SYTL2: variants seen among roughly 807,000 people sequenced by gnomAD.
The protein encoded by SYTL2 is synaptotagmin like 2, also known as synaptotagmin-like protein 2.
In SYTL2, 165 loss-of-function variants were observed where a neutral mutation model predicts 198.7. The ratio of observed to expected loss-of-function variants is 0.83; its 90% CI spans 0.73 to 0.94. The LOEUF is 0.94. Among genes scored for constraint, SYTL2 ranks in the 40% least tolerant of loss-of-function variants. The pLI is 0.00. For missense variants in SYTL2, 2,835 were observed against 2,582.8 expected (o/e 1.10, Z -2.12); for synonymous variants, 966 against 917.7 (o/e 1.05, Z -0.95).
chr11:85,775,426 C>T (rs1156360877), intron 1 of SYTL2, among the ~76,000 whole-genome samples: 4 of 152,152 alleles, frequency 2.6e-5, no homozygotes, highest in African/African-American at 4.8e-5. Flanking sequence ...CTCTTCACAA[C>T]CCTTCTTGGG....
Position 85,745,558 on chromosome 11 carries a change from T to C in SYTL2, c.389+79A>G. On this transcript the variant is annotated intron_variant, in intron 4 of 19. Transcript: ENST00000359152. ...GACCCCAGTCTGGCATCTGTACTCA[T>C]AGCCTGCCATTCTGCCCATGTGACA... 2.6e-6 allele frequency: 4 copies of C among 1,511,788 alleles called. No individual in the cohort carries two copies. In the South Asian group the frequency reaches 3.7e-5, roughly 14 times the overall value. 93.6% of individuals were successfully genotyped at this position (1,511,788 alleles called of 1,614,324 possible).
intron 4 of SYTL2, among the ~76,000 whole-genome samples, chr11:85,745,318 A>T (rs1591857976): frequency 6.6e-6 from 1 of 151,700 alleles, no homozygotes; most frequent in African/African-American, 2.4e-5. Context: ...TGATATTCAA[A>T]TTGAAGTACC....
chr11:85,760,856 A>C (rs1464893940), intron 1 of SYTL2, among the ~76,000 whole-genome samples: 1 of 152,196 alleles, frequency 6.6e-6, no homozygotes, highest in African/African-American at 2.4e-5. Flanking sequence ...TCCACTTTAC[A>C]AAGGAGTGAA....
chr11:85,811,572 T>C (rs1175206302), upstream of SYTL2, among the ~76,000 whole-genome samples: 2 of 151,846 alleles, frequency 1.3e-5, no homozygotes, highest in Non-Finnish European at 1.5e-5. Context: ...AGCCCGGTCA[T>C]GGGGTAACTT....
In SYTL2 at chr11:85,725,908, G is replaced by T; in HGVS notation, c.3450C>A (p.Pro1150=). 3 of 1,614,074 alleles carry T rather than the reference G, an allele frequency of 1.9e-6. No individual in the cohort carries two copies. The highest frequency in any genetic ancestry group is 1.3e-5 in the African/African-American group (1 of 75,050). Residue 1150 remains proline (P), a synonymous_variant, in exon 8 of 20, where the codon CCC becomes CCA. Transcript: ENST00000359152. ...GTTTTCCATGAACTTTTCCACCAGA[G>T]GGTTGAATTGCTGGTGTTGAGGTTT... The part of the protein sequence containing the change: ...LSETSTPAIQ[P]SGGKVHGKQV...
At chr11:85,818,243 C>A in the SYTL2 span, among the ~76,000 whole-genome samples, 1 of 152,020 alleles carries the variant, frequency 6.6e-6, no homozygotes, top group Admixed American at 6.6e-5. Flanking sequence ...GGATGAAGTG[C>A]GTGGTGCACA....
At chr11:85,731,054 G>A (rs2089763197) in intron 7 of SYTL2, among the ~76,000 whole-genome samples, 1 of 152,100 alleles carries the variant, frequency 6.6e-6, no homozygotes, top group Admixed American at 6.5e-5. Flanking sequence ...TCTTCAAGGA[G>A]AACTACAAAC....
At position 85,724,990 on chromosome 11, in the gene SYTL2, T is replaced by C; in HGVS notation, c.4368A>G (p.Pro1456=). Residue 1456 remains proline, a synonymous_variant, in exon 8 of 20, where the codon CCA becomes CCG. Transcript: ENST00000359152. ...CAAATGAGCTAAGCGTCTGGTCTGA[T>C]GGAGACATTTGGGCAGCTAAATAAG... is the stretch of plus-strand genomic sequence containing the variant. The part of the protein sequence containing the change: ...VGSYLAAQMS[P]SDQTLSSFAS... 1 of 1,614,016 alleles carries C rather than the reference T, an allele frequency of 6.2e-7. No individual in the cohort carries two copies. The highest frequency in any genetic ancestry group is 8.5e-7 in the Non-Finnish European group (1 of 1,179,950).
chr11:85,843,492 T>C, the SYTL2 span, among the ~76,000 whole-genome samples: 1 of 151,874 alleles, frequency 6.6e-6, no homozygotes, highest in East Asian at 1.9e-4. Flanking sequence ...GAGGGGCAAA[T>C]TGGAGGGGGT....
At chr11:85,771,782 A>G (rs2092359016) in intron 1 of SYTL2, among the ~76,000 whole-genome samples, 1 of 152,202 alleles carries the variant, frequency 6.6e-6, no homozygotes, top group African/African-American at 2.4e-5. Context: ...TAGTTTGCTC[A>G]TCTCTAAAAT....
At chr11:85,730,640 C>A (rs2089712123) in intron 7 of SYTL2, among the ~76,000 whole-genome samples, 1 of 152,238 alleles carries the variant, frequency 6.6e-6, no homozygotes, top group African/African-American at 2.4e-5. Flanking sequence ...CAATATCATA[C>A]TGAATGGGCA....
intron 10 of SYTL2, 98 bp downstream of exon 10, chr11:85,718,692 C>G: frequency 6.8e-6 from 7 of 1,035,518 alleles, no homozygotes; most frequent in Non-Finnish European, 7.3e-6. Context: ...TGGCAAATGA[C>G]GTTCTTCTGT....
chr11:85,713,982 T>A (rs1050871217), intron 12 of SYTL2, among the ~76,000 whole-genome samples: 1 of 152,182 alleles, frequency 6.6e-6, no homozygotes, highest in African/African-American at 2.4e-5. Flanking sequence ...ATATGTAAAG[T>A]GCCTGGCACC....
At chr11:85,787,765 T>C (rs1005490724) in intron 1 of SYTL2, among the ~76,000 whole-genome samples, 1 of 146,672 alleles carries the variant, frequency 6.8e-6, no homozygotes, top group Non-Finnish European at 1.5e-5. Flanking sequence ...GCAGCCTAGA[T>C]AATGGAGGAA....
chr11:85,707,496 T>A lies in SYTL2; in HGVS notation c.5951A>T (p.Lys1984Ile). ...TACGAGTGTTTTCTTCTTGCCCATT[T>A]TGCCTTTGTCTGGTAGCAAATAGGC... Reference protein sequence around the residue: ...VKAYLLPDKGKMGKKKTLVVK... With the variant: ...VKAYLLPDKGIMGKKKTLVVK... The change falls in exon 15 of 20, where the codon AAA becomes ATA. Residue 1984 changes from lysine to isoleucine, a missense_variant. By Grantham distance (102) the Lys-to-Ile change is moderately radical (BLOSUM62 -3). This residue lies in a region of SYTL2 where 2,645 missense variants were observed against 2,381.7 expected (regional missense o/e 1.11). Transcript: ENST00000359152. 6.2e-7 allele frequency: 1 copy of A among 1,614,088 alleles called. No individual in the cohort carries two copies. Among genetic ancestry groups the A allele is most frequent in the African/African-American group, 1.3e-5 (1 of 75,054 alleles).
chr11:85,764,039 C>T (rs143732560), intron 1 of SYTL2, among the ~76,000 whole-genome samples: 1 of 152,250 alleles, frequency 6.6e-6, no homozygotes, highest in Non-Finnish European at 1.5e-5. Context: ...AAGCTGCTAA[C>T]TGCACAGCTG....
chr11:85,709,157 A>AAAACAGCATT (rs1192963883), intron 14 of SYTL2, among the ~76,000 whole-genome samples, 174 bp downstream of exon 14: 1 of 151,948 alleles, frequency 6.6e-6, no homozygotes, highest in African/African-American at 2.4e-5. Flanking sequence ...GATTTTTATA[A>AAAACAGCATT]TTTAATGTTT....
chr11:85,843,421 G>A, the SYTL2 span, among the ~76,000 whole-genome samples: 9 of 152,152 alleles, frequency 5.9e-5, no homozygotes, highest in East Asian at 7.7e-4. Context: ...TAATCTTCAG[G>A]TTTGAAAAGC....
the SYTL2 span, among the ~76,000 whole-genome samples, chr11:85,835,444 G>A: frequency 6.6e-6 from 1 of 152,086 alleles, no homozygotes; most frequent in Non-Finnish European, 1.5e-5. Flanking sequence ...GTTGAGCCAG[G>A]TAGTATACTA....
Sources: allele counts gnomAD v4.1 joint callset (sites outside exome capture counted in the v4.1 genomes callset), GRCh38; gene constraint gnomAD v4.1.1; regional missense constraint gnomAD v4.1.1; transcripts MANE v1.5; gene names NCBI Gene and HGNC (gene_info 2026-07-23, HGNC 2026-07-21).